Variants in TSC1 observed in about 807,000 individuals in gnomAD.
The protein encoded by TSC1 is TSC complex subunit 1.
A neutral mutation model predicts 124.3 loss-of-function variants in TSC1; 20 were observed. The ratio of observed to expected loss-of-function variants is 0.16; its 90% CI spans 0.11 to 0.23. TSC1 has a LOEUF of 0.23. Ranked by LOEUF, TSC1 falls within the 10% of genes least tolerant of loss-of-function variation. The pLI is 1.00. For synonymous variants in TSC1, 493 were observed against 539.1 expected, an observed-to-expected ratio of 0.91 and a Z score of 1.19; for missense variants, 1,124 against 1,448.5, an observed-to-expected ratio of 0.78 and a Z score of 3.64.
At chr9:132,904,547 CT>C in intron 15 of TSC1, 93 bp from the exon 16 acceptor site, 1 of 1,284,770 alleles carries the variant, frequency 7.8e-7, no homozygotes, top group Non-Finnish European at 1.1e-6. Flanking sequence ...AGATCACTTC[CT>C]TGTGGTCAAA....
At chr9:132,944,759 CACTCATA>C (rs547092967), upstream of TSC1, 14 of 397,164 alleles carry the variant, frequency 3.5e-5, no homozygotes, top group South Asian at 1.7e-3. Flanking sequence ...GAGGCTCTTC[CACTCATA>C]ACTGACGATG....
Position 132,895,489 on chromosome 9 carries a change from A to C in TSC1, c.*746T>G, listed in dbSNP as rs1844984090. ...GTGGTCACAATAGTACCAGCATTCAAGCAAACACCAAATAAATAAGAGGTA... is the reference window on the plus strand; with the variant it reads ...GTGGTCACAATAGTACCAGCATTCACGCAAACACCAAATAAATAAGAGGTA... On this transcript the variant is annotated 3_prime_UTR_variant, in exon 23 of 23. Coordinates refer to ENST00000298552, the MANE Select transcript of TSC1 (RefSeq NM_000368.5). 1 of 233,822 alleles carries C rather than the reference A, an allele frequency of 4.3e-6. No individual in the cohort carries two copies. Among genetic ancestry groups the C allele is most frequent in the South Asian group, 1.8e-4 (1 of 5,536 alleles). The allele number at this position is 233,822 out of a possible 1,614,324, so 14.5% of individuals were successfully genotyped here.
At chr9:132,927,149 C>T in intron 4 of TSC1, 52 bp downstream of exon 4, 1 of 1,559,830 alleles carries the variant, frequency 6.4e-7, no homozygotes, top group Admixed American at 1.7e-5. Flanking sequence ...TGCACAGAAG[C>T]TGTTGTACTC....
chr9:132,925,833 T>C, intron 4 of TSC1, 94 bp from the exon 5 acceptor site: 1 of 1,497,470 alleles, frequency 6.7e-7, no homozygotes, highest in Non-Finnish European at 9.3e-7. Context: ...CTCTCAAGTC[T>C]TGTCTCTAAT....
In TSC1 at chr9:132,896,060, A is replaced by G. The variant is rs1178603050; in HGVS notation, c.*175T>C. On this transcript the variant is annotated 3_prime_UTR_variant, in exon 23 of 23. Coordinates refer to ENST00000298552, the MANE Select transcript of TSC1 (RefSeq NM_000368.5). The surrounding 1 kb of genome is among the most constrained non-coding windows in gnomAD (Gnocchi z 4.5). ...GGAGGGGAAGGTCAAGAGGCATTTC[A>G]ATGCCAGATCCAAAAACCGTTCTGC... 3 of 914,042 alleles carry G rather than the reference A, an allele frequency of 3.3e-6. No individual in the cohort carries two copies. The highest frequency in any genetic ancestry group is 1.8e-5 in the Admixed American group (1 of 54,480). 56.6% of individuals were successfully genotyped at this position (914,042 alleles called of 1,614,324 possible).
rs1371623903 is a variant in TSC1 at position 132,893,211 on chromosome 9, T to C, written c.*3024A>G. 1 of 233,204 alleles carries C rather than the reference T, an allele frequency of 4.3e-6. No individual in the cohort carries two copies. Among genetic ancestry groups the C allele is most frequent in the Non-Finnish European group, 8.5e-6 (1 of 118,058 alleles). The allele number at this position is 233,204 out of a possible 1,614,324, so 14.4% of individuals were successfully genotyped here. A position where few individuals can be genotyped will look rare whatever the true frequency, so the allele number is the denominator to read the frequency against. On this transcript the variant is annotated 3_prime_UTR_variant, in exon 23 of 23. Coordinates refer to ENST00000298552, the MANE Select transcript of TSC1 (RefSeq NM_000368.5). ...CAGTTTTCTCTCCTGAAAAACTCTG[T>C]GGACACACCTAGAGAGGTCACTGTC... is the stretch of plus-strand genomic sequence containing the variant.
Position 132,923,618 on chromosome 9 carries a change from AT to A in TSC1, c.364-127del. 1 of 1,324,980 alleles carries A rather than the reference AT, an allele frequency of 7.5e-7. No individual in the cohort carries two copies. The highest frequency in any genetic ancestry group is 1.1e-6 in the Non-Finnish European group (1 of 935,070). 82.1% of individuals were successfully genotyped at this position (1,324,980 alleles called of 1,614,324 possible). A position where few individuals can be genotyped will look rare whatever the true frequency, so the allele number is the denominator to read the frequency against. On this transcript the variant is annotated intron_variant, in intron 5 of 22. Transcript: ENST00000298552. The surrounding 1 kb of genome is among the most constrained non-coding windows in gnomAD (Gnocchi z 4.2). ...AAATCACAAGTTGACTCACGTACTC[AT>A]TTCCCTATCCCTAAGGATTACTGAA...
intron 8 of TSC1, 98 bp from the exon 9 acceptor site, chr9:132,912,555 C>G: frequency 7.0e-7 from 1 of 1,431,464 alleles, no homozygotes. Flanking sequence ...ACTCTGATAG[C>G]AAAGAACAAG....
chr9:132,922,899 C>G (rs1846645065), intron 6 of TSC1, among the ~76,000 whole-genome samples: 1 of 152,116 alleles, frequency 6.6e-6, no homozygotes, highest in Non-Finnish European at 1.5e-5. Context: ...GCATTTGAAG[C>G]TGGAGTGCTA....
In TSC1 at chr9:132,935,103, A is replaced by G. The variant is rs1389056966; in HGVS notation, c.-143-8T>C. 5.0e-6 allele frequency: 2 copies of G among 398,962 alleles called. No individual in the cohort carries two copies. The highest frequency in any genetic ancestry group is 4.4e-5 in the Admixed American group (1 of 22,722). 24.7% of individuals were successfully genotyped at this position (398,962 alleles called of 1,614,324 possible). The stretch of plus-strand genomic sequence containing the variant: ...TGGTGTCTTTCATGGTCACTGAAGG[A>G]AGAAAACATATGTACAATGAAGCAA... On this transcript the variant is annotated splice_polypyrimidine_tract_variant and splice_region_variant and intron_variant, in intron 1 of 22. Coordinates refer to ENST00000298552, the MANE Select transcript of TSC1 (RefSeq NM_000368.5).
chr9:132,926,759 C>T (rs1350473832), intron 4 of TSC1: 1 of 218,994 alleles, frequency 4.6e-6, no homozygotes, highest in Non-Finnish European at 9.2e-6. Flanking sequence ...ACTGCAACCT[C>T]CGCCTCCCAG....
Position 132,892,875 on chromosome 9 carries a change from C to G in TSC1, c.*3360G>C, listed in dbSNP as rs1018049973. The G allele has an allele frequency of 1.3e-5, 3 of 233,156 alleles. No homozygotes were observed. The highest frequency in any genetic ancestry group is 6.6e-5 in the African/African-American group (3 of 45,318). 14.4% of individuals were successfully genotyped at this position (233,156 alleles called of 1,614,324 possible). A position where few individuals can be genotyped will look rare whatever the true frequency, so the allele number is the denominator to read the frequency against. On this transcript the variant is annotated 3_prime_UTR_variant, in exon 23 of 23. Coordinates refer to ENST00000298552, the MANE Select transcript of TSC1 (RefSeq NM_000368.5). The stretch of plus-strand genomic sequence containing the variant: ...TCCCCATGACCATTTTATACATCCT[C>G]CCCTCAACAACTGCTAGAGTTTTAT...
chr9:132,904,583 C>T, intron 15 of TSC1, 129 bp from the exon 16 acceptor site: 1 of 912,486 alleles, frequency 1.1e-6, no homozygotes, highest in Non-Finnish European at 1.7e-6. Context: ...AAGAATGTTT[C>T]AAACTCCAGG....
chr9:132,897,613 GAAAAAAA>G lies in TSC1; in HGVS notation c.2626-10_2626-4del. 5 of 1,356,896 alleles carry G rather than the reference GAAAAAAA, an allele frequency of 3.7e-6. No homozygotes were observed. Among genetic ancestry groups the G allele is most frequent in the African/African-American group, 1.9e-5 (1 of 51,984 alleles). The allele number at this position is 1,356,896 out of a possible 1,614,324, so 84.1% of individuals were successfully genotyped here. A position where few individuals can be genotyped will look rare whatever the true frequency, so the allele number is the denominator to read the frequency against. ...GCGGCTTTCATCATTTCTACTTCCT[GAAAAAAA>G]AAAAAAAAAAAGACTGGAATTAGTA... On this transcript the variant is annotated splice_region_variant and splice_polypyrimidine_tract_variant and intron_variant, in intron 20 of 22. Transcript: ENST00000298552.
intron 16 of TSC1, 51 bp downstream of exon 16, chr9:132,904,360 A>C: frequency 6.2e-7 from 1 of 1,606,512 alleles, no homozygotes; most frequent in South Asian, 1.1e-5. Flanking sequence ...AAGGGCAACA[A>C]GCAAGCAGGA....
In TSC1 at chr9:132,903,658, G is replaced by A. The variant is rs1588303613; in HGVS notation, c.2201C>T (p.Ala734Val). ...IKAAALEEHN[A>V]AMKDQLKLQE... ...CCCCTCCCCAGTCCTCACCATGGCA[G>A]CATTATGTTCCTCCAGAGCTGCTGC... is the stretch of plus-strand genomic sequence containing the variant. The change falls in exon 17 of 23, where the codon GCT becomes GTT. Residue 734 changes from alanine to valine, a missense_variant. By Grantham distance (64) the Ala-to-Val change is moderately conservative. This residue lies in a region of TSC1 where 321 missense variants were observed against 397.4 expected (regional missense o/e 0.81). Coordinates refer to ENST00000298552, the MANE Select transcript of TSC1 (RefSeq NM_000368.5). The surrounding 1 kb of genome is among the most constrained non-coding windows in gnomAD (Gnocchi z 5.9). The A allele has an allele frequency of 6.2e-7, 1 of 1,612,336 alleles. No homozygotes were observed. Among genetic ancestry groups the A allele is most frequent in the Non-Finnish European group, 8.5e-7 (1 of 1,179,928 alleles).
Position 132,905,782 on chromosome 9 carries a change from C to T in TSC1, c.1796G>A (p.Gly599Glu), listed in dbSNP as rs1845622314. Residue 599 changes from glycine to glutamate, a missense_variant, in exon 15 of 23, where the codon GGG becomes GAG. By Grantham distance (98) the Gly-to-Glu change is moderately conservative. Around this residue, in one of 5 missense-constraint regions of TSC1, gnomAD observed 321 missense variants for 397.4 expected, o/e 0.81. Transcript: ENST00000298552. ...PPPTRVGFGS[G>E]QPPPYDHLFE... ...AAGATGATCATACGGGGGAGGCTGC[C>T]CGCTTCCAAAGCCCACTCTCGTCGG... 1 of 1,614,216 alleles carries T rather than the reference C, an allele frequency of 6.2e-7. No homozygotes were observed. Among genetic ancestry groups the T allele is most frequent in the Non-Finnish European group, 8.5e-7 (1 of 1,180,038 alleles).
chr9:132,900,942 G>C (rs1845343271), intron 19 of TSC1, 105 bp from the exon 20 acceptor site: 1 of 1,554,302 alleles, frequency 6.4e-7, no homozygotes, highest in Non-Finnish European at 8.8e-7. Flanking sequence ...TCAATGTTAA[G>C]GCAAAATAAA....
intron 8 of TSC1, among the ~76,000 whole-genome samples, chr9:132,913,895 T>G (rs1846116800): frequency 3.0e-5 from 2 of 67,020 alleles, no homozygotes; most frequent in African/African-American, 4.3e-5. Context: ...TGTTTTGTTT[T>G]TTTTTTTTTT....
Sources: gnomAD v4.1 joint callset for allele counts (sites outside exome capture counted in the v4.1 genomes callset) on GRCh38, gnomAD v4.1.1 for gene constraint, gnomAD v4.1.1 regional missense constraint, Gnocchi (gnomAD v3.1) non-coding constraint, MANE v1.5 for transcripts, NCBI Gene and HGNC (gene_info 2026-07-23, HGNC 2026-07-21) for gene names.